The following PRKCA variants were observed in gnomAD, a reference collection of about 807,000 sequenced individuals.
PRKCA encodes protein kinase C alpha.
Under a neutral mutation model 87.0 loss-of-function variants are expected in PRKCA, and 27 were observed. The ratio of observed to expected loss-of-function variants is 0.31; its 90% CI spans 0.23 to 0.43. PRKCA has a LOEUF of 0.43. Among genes scored for constraint, PRKCA ranks in the 20% least tolerant of loss-of-function variants. PRKCA has a pLI of 1.00. For synonymous variants in PRKCA, 329 were observed against 311.1 expected, an observed-to-expected ratio of 1.06 and a Z score of -0.61; for missense variants, 518 against 852.3, an observed-to-expected ratio of 0.61 and a Z score of 4.88.
chr17:66,621,631 G>A (rs1005727242), intron 3 of PRKCA, among the ~76,000 whole-genome samples: 2 of 152,212 alleles, frequency 1.3e-5, no homozygotes, highest in Non-Finnish European at 2.9e-5. Context: ...TATCTGCTTC[G>A]TTCATGGAGT....
intron 2 of PRKCA, among the ~76,000 whole-genome samples, chr17:66,475,761 G>A (rs1358894551): frequency 6.6e-6 from 1 of 152,190 alleles, no homozygotes; most frequent in East Asian, 1.9e-4. Context: ...TGTAGGAACT[G>A]ATTAATGCCC....
At chr17:66,552,604 A>G (rs1219791591) in intron 3 of PRKCA, among the ~76,000 whole-genome samples, 3 of 152,164 alleles carry the variant, frequency 2.0e-5, no homozygotes, top group Non-Finnish European at 2.9e-5. Flanking sequence ...TCCTTGCCCC[A>G]TGGGCTCCTT....
At position 66,392,208 on chromosome 17, in the gene PRKCA, C is replaced by T. The variant is rs113783255; in HGVS notation, c.205+86081C>T. ...TCATGCCACTGCACTCCAGCCTGGGCGACAGAGCAAGACTGTGTCTCAACA... is the reference window on the plus strand; with the variant it reads ...TCATGCCACTGCACTCCAGCCTGGGTGACAGAGCAAGACTGTGTCTCAACA... On this transcript the variant is annotated intron_variant, in intron 2 of 16. Coordinates refer to ENST00000413366, the MANE Select transcript of PRKCA (RefSeq NM_002737.3). Among the ~76,000 whole-genome samples, 1,285 of 142,928 alleles carry T rather than the reference C, an allele frequency of 9.0e-3. 12 individuals are homozygous for T. Among genetic ancestry groups the T allele is most frequent in the Middle Eastern group, 0.02 (5 of 252 alleles). The allele number at this position is 142,928 out of a possible 152,430, so 93.8% of individuals were successfully genotyped here. A position where few individuals can be genotyped will look rare whatever the true frequency, so the allele number is the denominator to read the frequency against.
intron 13 of PRKCA, among the ~76,000 whole-genome samples, chr17:66,743,418 A>G (rs917175731): frequency 4.6e-5 from 7 of 152,248 alleles, no homozygotes; most frequent in African/African-American, 1.7e-4. Context: ...GTGATGGTGT[A>G]TTAGCAGCAT....
Position 66,328,793 on chromosome 17 carries a change from G to A in PRKCA, c.205+22666G>A, listed in dbSNP as rs531415491. Among the ~76,000 whole-genome samples the A allele has an allele frequency of 1.4e-4, 21 of 152,268 alleles. No individual in the cohort carries two copies. In the South Asian group the frequency reaches 3.5e-3, roughly 26 times the overall value. ...AGCCTGGGTGACAGAGCCGGACTCC[G>A]TCTCAAAACAAACAAACGAAAACTG... On this transcript the variant is annotated intron_variant, in intron 2 of 16. Coordinates refer to ENST00000413366, the MANE Select transcript of PRKCA (RefSeq NM_002737.3).
chr17:66,377,730 T>A (rs1297251211), intron 2 of PRKCA, among the ~76,000 whole-genome samples: 6 of 137,104 alleles, frequency 4.4e-5, no homozygotes, highest in African/African-American at 1.1e-4. Flanking sequence ...TATTTTTTTT[T>A]TTTTTTTTTT....
intron 3 of PRKCA, among the ~76,000 whole-genome samples, chr17:66,553,273 G>A (rs578261058): frequency 3.3e-4 from 51 of 152,256 alleles, no homozygotes; most frequent in African/African-American, 1.1e-3. Context: ...GAGCCACCCT[G>A]CACCTGGCCT....
intron 5 of PRKCA, among the ~76,000 whole-genome samples, chr17:66,665,367 A>G (rs1033025544): frequency 6.6e-6 from 1 of 152,198 alleles, no homozygotes; most frequent in Non-Finnish European, 1.5e-5. Flanking sequence ...GAACATGACC[A>G]AAAGGTTTTC....
At chr17:66,372,925 C>T (rs546823829) in intron 2 of PRKCA, among the ~76,000 whole-genome samples, 17 of 152,068 alleles carry the variant, frequency 1.1e-4, no homozygotes, top group South Asian at 4.2e-4. Flanking sequence ...GGCTTGGTGG[C>T]GGGCACCTAT....
At chr17:66,390,509 G>A (rs8071564) in intron 2 of PRKCA, among the ~76,000 whole-genome samples, 120,423 of 152,056 alleles carry the variant, frequency 0.79, 48,184 homozygotes, top group South Asian at 0.87. Flanking sequence ...CCACAGATGT[G>A]TTTCTCTCTC....
intron 2 of PRKCA, among the ~76,000 whole-genome samples, chr17:66,420,109 T>C (rs1474124188): frequency 1.3e-5 from 2 of 151,550 alleles, no homozygotes; most frequent in Non-Finnish European, 2.9e-5. Context: ...CCTCCTGAGT[T>C]CAAGCGATTC....
intron 5 of PRKCA, among the ~76,000 whole-genome samples, chr17:66,658,594 G>A (rs1307438157): frequency 6.6e-6 from 1 of 152,198 alleles, no homozygotes; most frequent in Non-Finnish European, 1.5e-5. Context: ...TTCAAGGTGA[G>A]ATTTGGGTGG....
intron 8 of PRKCA, among the ~76,000 whole-genome samples, chr17:66,731,246 A>C (rs1346755766): frequency 2.0e-5 from 3 of 150,486 alleles, no homozygotes; most frequent in African/African-American, 7.3e-5. Flanking sequence ...CAAGAGGCTG[A>C]GGCAGGAGAA....
At chr17:66,362,185 G>A (rs1213807751) in intron 2 of PRKCA, among the ~76,000 whole-genome samples, 2 of 152,064 alleles carry the variant, frequency 1.3e-5, no homozygotes, top group South Asian at 2.1e-4. Flanking sequence ...ACAGGCATGC[G>A]CCACCACACT....
chr17:66,359,999 CA>C (rs1191011508), intron 2 of PRKCA, among the ~76,000 whole-genome samples: 1 of 152,034 alleles, frequency 6.6e-6, no homozygotes, highest in Non-Finnish European at 1.5e-5. Flanking sequence ...TTCTCAAGGC[CA>C]AAATTATAGC....
At chr17:66,757,222 G>GA (rs34461648) in intron 13 of PRKCA, among the ~76,000 whole-genome samples, 10,580 of 130,302 alleles carry the variant, frequency 0.081, 427 homozygotes, top group African/African-American at 0.092. Context: ...AGCAAAGACT[G>GA]AAAAAAAAAA....
intron 2 of PRKCA, among the ~76,000 whole-genome samples, chr17:66,424,852 C>G (rs572169348): frequency 7.9e-5 from 12 of 151,698 alleles, no homozygotes; most frequent in African/African-American, 2.9e-4. Context: ...CGGGCTCAAG[C>G]GATTCTCCCG....
chr17:66,714,289 A>G (rs1430714358), intron 8 of PRKCA, among the ~76,000 whole-genome samples: 3 of 151,070 alleles, frequency 2.0e-5, no homozygotes, highest in Non-Finnish European at 2.9e-5. Context: ...GCCAGGCCTC[A>G]TGCATGGGGC....
At chr17:66,436,045 G>A (rs1913373963) in intron 2 of PRKCA, among the ~76,000 whole-genome samples, 1 of 152,164 alleles carries the variant, frequency 6.6e-6, no homozygotes, top group African/African-American at 2.4e-5. Flanking sequence ...GGAAACTGGT[G>A]ATGGCTGGCA....
Sources: gnomAD v4.1 joint callset for allele counts (sites outside exome capture counted in the v4.1 genomes callset) on GRCh38, gnomAD v4.1.1 for gene constraint, MANE v1.5 for transcripts, NCBI Gene and HGNC (gene_info 2026-07-23, HGNC 2026-07-21) for gene names.